RSPH1: variants seen among roughly 807,000 people sequenced by gnomAD.
RSPH1 encodes radial spoke head 1 homolog.
In RSPH1, 32 loss-of-function variants were observed where a neutral mutation model predicts 44.2. That is an observed-to-expected ratio of 0.72 (90% CI 0.55 to 0.97). RSPH1 has a LOEUF of 0.97. Ranked by LOEUF, RSPH1 falls within the 50% of genes least tolerant of loss-of-function variation. The probability of loss-of-function intolerance (pLI) is 0.00; values close to 1 mark genes in which losing one functional copy is unlikely to be tolerated. For synonymous variants in RSPH1, 134 were observed against 147.3 expected, an observed-to-expected ratio of 0.91 and a Z score of 0.65; for missense variants, 391 against 398.7, an observed-to-expected ratio of 0.98 and a Z score of 0.16.
chr21:42,475,858 G>C, intron 8 of RSPH1, 40 bp downstream of exon 8: 1 of 1,602,950 alleles, frequency 6.2e-7, no homozygotes, highest in Non-Finnish European at 8.5e-7. Context: ...TGGCCCCTAA[G>C]TGCGGGCCCT....
At chr21:42,485,934 T>A in intron 4 of RSPH1, 130 bp from the exon 5 acceptor site, 1 of 1,170,782 alleles carries the variant, frequency 8.5e-7, no homozygotes. Context: ...AGCTTCTATA[T>A]CTGTGTCCAG....
intron 5 of RSPH1, among the ~76,000 whole-genome samples, chr21:42,483,896 C>A (rs941817433): frequency 6.6e-6 from 1 of 152,176 alleles, no homozygotes; most frequent in Non-Finnish European, 1.5e-5. Context: ...CTTGACTCCT[C>A]CCATCATCCC....
At position 42,495,217 on chromosome 21, in the gene RSPH1, T is replaced by C. The variant is rs56686614; in HGVS notation, c.54+916A>G. Reference sequence around the variant, plus strand: ...GCCGGATGTGAATTTCAGGCACTTCTGGCTCTCCATACTGGGCAGGTAGTT... The same window carrying C: ...GCCGGATGTGAATTTCAGGCACTTCCGGCTCTCCATACTGGGCAGGTAGTT... On this transcript the variant is annotated intron_variant, in intron 1 of 8. Transcript: ENST00000291536. Among the ~76,000 whole-genome samples the C allele has an allele frequency of 7.0e-3, 1,071 of 152,338 alleles. 16 individuals are homozygous for C. The highest frequency in any genetic ancestry group is 0.024 in the African/African-American group (1,013 of 41,578).
intron 1 of RSPH1, 87 bp from the exon 2 acceptor site, chr21:42,493,166 A>C (rs1377580457): frequency 9.1e-7 from 1 of 1,099,950 alleles, no homozygotes; most frequent in African/African-American, 1.5e-5. Context: ...CATACCCTTG[A>C]GTCATCCCAC....
At chr21:42,477,485 T>C in intron 6 of RSPH1, 41 bp from the exon 7 acceptor site, 1 of 1,600,646 alleles carries the variant, frequency 6.2e-7, no homozygotes. Context: ...AACATTTGTG[T>C]CATCTTGGTC....
chr21:42,496,057 C>T, intron 1 of RSPH1, 76 bp downstream of exon 1: 1 of 1,553,232 alleles, frequency 6.4e-7, no homozygotes, highest in Non-Finnish European at 8.9e-7. Flanking sequence ...TGCGCCTCCT[C>T]ACTCTCCAAA....
chr21:42,489,411 G>T (rs2054214663), intron 3 of RSPH1, among the ~76,000 whole-genome samples: 1 of 152,220 alleles, frequency 6.6e-6, no homozygotes, highest in Non-Finnish European at 1.5e-5. Flanking sequence ...TTGATTGGCT[G>T]GTTGTGGGTC....
In RSPH1 at chr21:42,486,432, G is replaced by T. The variant is rs2054181799; in HGVS notation, c.304C>A (p.His102Asn). 2 of 1,613,904 alleles carry T rather than the reference G, an allele frequency of 1.2e-6. No homozygotes were observed. Among genetic ancestry groups the T allele is most frequent in the African/African-American group, 2.7e-5 (2 of 74,912 alleles). ...GEWANDLRHG[H>N]GVYYYINNDT... is the part of the protein sequence containing the mutation. ...TTATTGATGTAGTAGTATACGCCAT[G>T]GCCGTGCCGCAGGTCATTTGCCCAC... Residue 102 changes from histidine to asparagine, a missense_variant, in exon 4 of 9, where the codon CAT becomes AAT. Coordinates refer to ENST00000291536, the MANE Select transcript of RSPH1 (RefSeq NM_080860.4).
At chr21:42,478,333 G>C (rs759725251) in intron 6 of RSPH1, among the ~76,000 whole-genome samples, 6 of 152,244 alleles carry the variant, frequency 3.9e-5, no homozygotes, top group Non-Finnish European at 7.3e-5. Flanking sequence ...TGGTCTCAGA[G>C]TGTTTGAATA....
Position 42,485,751 on chromosome 21 carries a change from G to A in RSPH1, c.419C>T (p.Thr140Ile), listed in dbSNP as rs1403153655. The change falls in exon 5 of 9, where the codon ACC (threonine) becomes ATC (isoleucine). Residue 140 changes from threonine to isoleucine, a missense_variant. Coordinates refer to ENST00000291536, the MANE Select transcript of RSPH1 (RefSeq NM_080860.4). ...GCCCTCCTGCTGTCCGTTCACCCAG[G>A]TGCCAACATACTTACTGCCCGTCTC... ...YAETGSKYVG[T>I]WVNGQQEGTA... The A allele has an allele frequency of 5.0e-6, 8 of 1,614,048 alleles. No individual in the cohort carries two copies. The highest frequency in any genetic ancestry group is 3.3e-5 in the Admixed American group (2 of 60,006).
At chr21:42,482,568 CA>C (rs1223044256) in intron 6 of RSPH1, 68 bp downstream of exon 6, 1 of 1,154,524 alleles carries the variant, frequency 8.7e-7, no homozygotes, top group Non-Finnish European at 1.3e-6. Flanking sequence ...TCCAACCTTG[CA>C]GGATCAATAT....
Position 42,485,709 on chromosome 21 carries a change from T to C in RSPH1, c.461A>G (p.His154Arg), listed in dbSNP as rs1163971408. Residue 154 changes from histidine (H) to arginine (R), a missense_variant, in exon 5 of 9, where the codon CAC becomes CGC. Physicochemically the swap from His to Arg is conservative, Grantham distance 29. Transcript: ENST00000291536. ...GQQEGTAELI[H>R]LNHRYQGKFL... ...CTTGCCCTGGTACCTGTGGTTCAGG[T>C]GAATGAGCTCGGCCGTGCCCTCCTG... 1.9e-6 allele frequency: 3 copies of C among 1,614,196 alleles called. No homozygotes were observed. Among genetic ancestry groups the C allele is most frequent in the East Asian group, 2.2e-5 (1 of 44,890 alleles).
chr21:42,477,488 T>C lies in RSPH1; in HGVS notation c.574-44A>G, dbSNP rs201872112. 1.2e-5 allele frequency: 19 copies of C among 1,600,742 alleles called. No individual in the cohort carries two copies. The African/African-American group carries it at 1.6e-4, about 14-fold the overall frequency. On this transcript the variant is annotated intron_variant, in intron 6 of 8. Coordinates refer to ENST00000291536, the MANE Select transcript of RSPH1 (RefSeq NM_080860.4). The stretch of plus-strand genomic sequence containing the variant: ...TGTACATTTACCAACATTTGTGTCA[T>C]CTTGGTCTGGAATATTAAAAGTGAG...
Position 42,477,284 on chromosome 21 carries a change from C to A in RSPH1, c.727+7G>T. 1 of 1,613,446 alleles carries A rather than the reference C, an allele frequency of 6.2e-7. No homozygotes were observed. Among genetic ancestry groups the A allele is most frequent in the South Asian group, 1.1e-5 (1 of 91,016 alleles). ...CCTCCACCCCACAGCCCGGGGGTGCCCCACACTCTCAGCTCCTGGAGCGTC... is the reference window on the plus strand; with the variant it reads ...CCTCCACCCCACAGCCCGGGGGTGCACCACACTCTCAGCTCCTGGAGCGTC... On this transcript the variant is annotated splice_region_variant and intron_variant, in intron 7 of 8. Transcript: ENST00000291536.
At chr21:42,490,870 AG>A (rs1368759653) in intron 3 of RSPH1, among the ~76,000 whole-genome samples, 4 of 151,824 alleles carry the variant, frequency 2.6e-5, no homozygotes, top group Non-Finnish European at 5.9e-5. Flanking sequence ...CTTTTGGTAA[AG>A]AAGAAGGAAG....
chr21:42,477,045 GCCCCACA>G (rs1248587913), intron 7 of RSPH1, among the ~76,000 whole-genome samples: 14 of 63,608 alleles, frequency 2.2e-4, no homozygotes, highest in African/African-American at 7.4e-4. Context: ...GCCCGGGGGT[GCCCCACA>G]CCCTCTGCCC....
chr21:42,492,747 T>C lies in RSPH1; in HGVS notation c.274+11A>G, dbSNP rs762525092. Reference sequence around the variant, plus strand: ...TGTAACACGAAAATCTGCTTAGTGATAACATTTTACCTTCATATCTGGATC... The same window carrying C: ...TGTAACACGAAAATCTGCTTAGTGACAACATTTTACCTTCATATCTGGATC... On this transcript the variant is annotated intron_variant, in intron 3 of 8. Transcript: ENST00000291536. The C allele has an allele frequency of 1.1e-5, 16 of 1,516,872 alleles. No individual in the cohort carries two copies. In the Admixed American group the frequency reaches 2.8e-4, roughly 26 times the overall value. The allele number at this position is 1,516,872 out of a possible 1,614,324, so 94.0% of individuals were successfully genotyped here. A position where few individuals can be genotyped will look rare whatever the true frequency, so the allele number is the denominator to read the frequency against.
rs191593835 is a variant in RSPH1 at position 42,489,705 on chromosome 21, C to T, written c.274+3053G>A. ...TGCCACAGCATTTGGTATGTGTAAT[C>T]GCTGAAATATGGTTTTACAGATGCA... On this transcript the variant is annotated intron_variant, in intron 3 of 8. Transcript: ENST00000291536. Among the ~76,000 whole-genome samples, 26 of 152,254 alleles carry T rather than the reference C, an allele frequency of 1.7e-4. No individual in the cohort carries two copies. In the East Asian group the frequency reaches 4.1e-3, roughly 24 times the overall value.
rs1291285696 is a variant in RSPH1, at chr21:42,474,463, G to A, written c.877+1435C>T. On this transcript the variant is annotated intron_variant, in intron 8 of 8. Coordinates refer to ENST00000291536, the MANE Select transcript of RSPH1 (RefSeq NM_080860.4). The surrounding 1 kb of genome is among the most constrained non-coding windows in gnomAD (Gnocchi z 5.2). ...TTCCAGCTTCCCATTAGGTGCTAGAGGGCGAGAGCCCAGCCCCTCACTCCC... is the reference window on the plus strand; with the variant it reads ...TTCCAGCTTCCCATTAGGTGCTAGAAGGCGAGAGCCCAGCCCCTCACTCCC... Among the ~76,000 whole-genome samples the A allele has an allele frequency of 1.3e-5, 2 of 152,336 alleles. No homozygotes were observed. Among genetic ancestry groups the A allele is most frequent in the East Asian group, 1.9e-4 (1 of 5,182 alleles).
Sources: allele counts gnomAD v4.1 joint callset (sites outside exome capture counted in the v4.1 genomes callset), GRCh38; gene constraint gnomAD v4.1.1; non-coding constraint Gnocchi (gnomAD v3.1); transcripts MANE v1.5; gene names NCBI Gene and HGNC (gene_info 2026-07-23, HGNC 2026-07-21).